The following RCAN2 variants were observed in gnomAD, a reference collection of about 807,000 sequenced individuals.
RCAN2 encodes regulator of calcineurin 2.
In RCAN2, 9 loss-of-function variants were observed where a neutral mutation model predicts 23.6. That is an observed-to-expected ratio of 0.38 (90% CI 0.23 to 0.67). The LOEUF (loss-of-function observed/expected upper bound fraction) is 0.67, where lower values mean the gene tolerates loss of function less well. Among genes scored for constraint, RCAN2 ranks in the 30% least tolerant of loss-of-function variants. The pLI is 0.51. For synonymous variants in RCAN2, 109 were observed against 115.7 expected (o/e 0.94, Z 0.37); for missense variants, 273 against 302.3 (o/e 0.90, Z 0.72).
rs1765480578 is a variant in RCAN2 at position 46,221,681 on chromosome 6, AC to A, written c.*1459del. On this transcript the variant is annotated 3_prime_UTR_variant, in exon 5 of 5. Coordinates refer to ENST00000371374, the MANE Select transcript of RCAN2 (RefSeq NM_001251974.2). ...ACATACACCTTAGTCAAAAACCACA[AC>A]AATCCCTCAATCTGTTTGCTGTGTT... 2.7e-6 allele frequency: 1 copy of A among 368,228 alleles called. No homozygotes were observed. Among genetic ancestry groups the A allele is most frequent in the South Asian group, 1.5e-4 (1 of 6,744 alleles). 22.8% of individuals were successfully genotyped at this position (368,228 alleles called of 1,614,324 possible).
intron 2 of RCAN2, among the ~76,000 whole-genome samples, chr6:46,393,174 AG>A (rs991533609): frequency 6.6e-6 from 1 of 152,178 alleles, no homozygotes; most frequent in African/African-American, 2.4e-5. Flanking sequence ...TTGACCTTTA[AG>A]GGCTCCCTAA....
chr6:46,275,996 A>G (rs1486060403), intron 2 of RCAN2, among the ~76,000 whole-genome samples: 1 of 152,150 alleles, frequency 6.6e-6, no homozygotes, highest in African/African-American at 2.4e-5. Context: ...TCACGATGTC[A>G]GGAGTTCGAG....
At chr6:46,267,476 T>C (rs1767375160) in intron 2 of RCAN2, among the ~76,000 whole-genome samples, 1 of 151,998 alleles carries the variant, frequency 6.6e-6, no homozygotes, top group Non-Finnish European at 1.5e-5. Flanking sequence ...AGCCCAGGAG[T>C]TTGAGACCAG....
intron 1 of RCAN2, among the ~76,000 whole-genome samples, chr6:46,480,914 G>T (rs533731534): frequency 6.6e-6 from 1 of 152,208 alleles, no homozygotes; most frequent in African/African-American, 2.4e-5. Context: ...GAGCCACTGC[G>T]CCCGGCCACT....
chr6:46,344,782 A>G (rs911014712), intron 2 of RCAN2, among the ~76,000 whole-genome samples: 5 of 152,228 alleles, frequency 3.3e-5, no homozygotes, highest in Middle Eastern at 3.4e-3. Context: ...AAGAGAAGGC[A>G]GAAAAGGAAC....
chr6:46,331,247 G>T (rs185568665), intron 2 of RCAN2, among the ~76,000 whole-genome samples: 149 of 151,742 alleles, frequency 9.8e-4, no homozygotes, highest in African/African-American at 3.3e-3. Context: ...CTGGCCTCAA[G>T]TGATCCTCCT....
intron 2 of RCAN2, among the ~76,000 whole-genome samples, chr6:46,366,704 G>A (rs1765180699): frequency 6.6e-6 from 1 of 151,852 alleles, no homozygotes; most frequent in South Asian, 2.1e-4. Flanking sequence ...GACTTCAGCA[G>A]GAATCCTGGT....
At chr6:46,282,672 C>T (rs1010826995) in intron 2 of RCAN2, among the ~76,000 whole-genome samples, 1 of 152,162 alleles carries the variant, frequency 6.6e-6, no homozygotes, top group Admixed American at 6.5e-5. Context: ...TAGGAGGAGA[C>T]GTTCATCTTT....
At chr6:46,288,482 C>T (rs962062828) in intron 2 of RCAN2, among the ~76,000 whole-genome samples, 1 of 152,122 alleles carries the variant, frequency 6.6e-6, no homozygotes. Flanking sequence ...CTATGGATAC[C>T]CTCTGAGGAT....
intron 2 of RCAN2, among the ~76,000 whole-genome samples, chr6:46,274,507 G>C (rs1767624202): frequency 6.6e-6 from 1 of 151,916 alleles, no homozygotes; most frequent in Non-Finnish European, 1.5e-5. Flanking sequence ...GTTGTATGCT[G>C]ATGTAGGTCT....
chr6:46,442,904 A>G (rs906190157), intron 2 of RCAN2, among the ~76,000 whole-genome samples: 28 of 152,156 alleles, frequency 1.8e-4, no homozygotes, highest in African/African-American at 6.8e-4. Context: ...AAGAAAGGTT[A>G]AGGTTTCATA....
intron 2 of RCAN2, among the ~76,000 whole-genome samples, chr6:46,450,472 T>A (rs1767843643): frequency 6.6e-6 from 1 of 152,090 alleles, no homozygotes. Context: ...GAAATTGGTG[T>A]GTTGAAGAGA....
intron 2 of RCAN2, among the ~76,000 whole-genome samples, chr6:46,433,414 A>G (rs759403815): frequency 2.0e-5 from 3 of 152,194 alleles, no homozygotes; most frequent in Admixed American, 6.5e-5. Flanking sequence ...GGCAAAAGAA[A>G]CACTGCAGAT....
intron 2 of RCAN2, among the ~76,000 whole-genome samples, chr6:46,316,195 A>G (rs1763431598): frequency 1.3e-5 from 2 of 152,200 alleles, no homozygotes; most frequent in South Asian, 2.1e-4. Flanking sequence ...TTCCATGTAC[A>G]AAGTCCACTA....
At chr6:46,393,812 C>T (rs1224308067) in intron 2 of RCAN2, among the ~76,000 whole-genome samples, 7 of 152,194 alleles carry the variant, frequency 4.6e-5, no homozygotes, top group Admixed American at 2.0e-4. Context: ...CTGAAGCTTG[C>T]TTGTCAGTGT....
intron 4 of RCAN2, among the ~76,000 whole-genome samples, chr6:46,223,623 G>A (rs113172082): frequency 1.2e-4 from 18 of 152,278 alleles, no homozygotes; most frequent in African/African-American, 2.4e-4. Context: ...GCAGTTAGTC[G>A]TATTAGTTTC....
intron 2 of RCAN2, among the ~76,000 whole-genome samples, chr6:46,342,780 A>C (rs1764369517): frequency 6.6e-6 from 1 of 151,870 alleles, no homozygotes; most frequent in South Asian, 2.1e-4. Context: ...AACCAGATGA[A>C]CTCACAGAAA....
intron 2 of RCAN2, among the ~76,000 whole-genome samples, chr6:46,307,017 C>T (rs1253363046): frequency 6.6e-6 from 1 of 152,104 alleles, no homozygotes; most frequent in Non-Finnish European, 1.5e-5. Flanking sequence ...TCAGTAAACG[C>T]TTATTGAATA....
chr6:46,422,199 T>G (rs1198231502), intron 2 of RCAN2, among the ~76,000 whole-genome samples: 1 of 152,014 alleles, frequency 6.6e-6, no homozygotes, highest in Non-Finnish European at 1.5e-5. Context: ...CCTGCGAGAG[T>G]TCTCCTGCCA....
Sources: allele counts gnomAD v4.1 joint callset (sites outside exome capture counted in the v4.1 genomes callset), GRCh38; gene constraint gnomAD v4.1.1; transcripts MANE v1.5; gene names NCBI Gene and HGNC (gene_info 2026-07-23, HGNC 2026-07-21).